The following SDK2 variants were observed in gnomAD, a reference collection of about 807,000 sequenced individuals.
SDK2 encodes the protein sidekick cell adhesion molecule 2.
Under a neutral mutation model 253.9 loss-of-function variants are expected in SDK2, and 105 were observed. The observed-to-expected ratio is 0.41, with a 90% CI of 0.35 to 0.49. SDK2 has a LOEUF of 0.49. SDK2 is among the 20% of genes least tolerant of loss of function. SDK2 has a pLI of 0.06. For missense variants in SDK2, 2,608 were observed against 3,003.0 expected (o/e 0.87, Z 3.07); for synonymous variants, 1,249 against 1,234.9 (o/e 1.01, Z -0.24).
intron 1 of SDK2, among the ~76,000 whole-genome samples, chr17:73,509,361 G>A (rs1480043170): frequency 1.3e-5 from 2 of 152,150 alleles, no homozygotes; most frequent in African/African-American, 4.8e-5. Flanking sequence ...AAAGTACGGT[G>A]TCCCCTCCAG....
rs778489152 is a variant in SDK2 at position 73,431,747 on chromosome 17, G to A, written c.1313-78C>T. On this transcript the variant is annotated intron_variant, in intron 10 of 44. Transcript: ENST00000392650. This position sits in a 1 kb window ranked among gnomAD's most constrained non-coding sequence, Gnocchi z 5.6. ...GCCCTTCCCTGGCCGCTCCAGGGCA[G>A]CATGGTCCCCCCACAGGCCCCTGGC... 53 of 1,405,840 alleles carry A rather than the reference G, an allele frequency of 3.8e-5. No homozygotes were observed. The South Asian group carries it at 5.9e-4, about 16-fold the overall frequency. 87.1% of individuals were successfully genotyped at this position (1,405,840 alleles called of 1,614,324 possible).
intron 36 of SDK2, chr17:73,369,224 G>C (rs954331498): frequency 2.1e-6 from 1 of 467,542 alleles, no homozygotes; most frequent in Non-Finnish European, 4.4e-6. Flanking sequence ...CCGTCCTACG[G>C]GAGGCTGAGC....
rs1018993290 is a variant in SDK2 at position 73,346,243 on chromosome 17, T to C, written c.6165+2356A>G. ...AAAAAAAAAGAAAAAGAAAACATGA[T>C]TTGCTCTGTGTATCTCCTTTTTAAA... On this transcript the variant is annotated intron_variant, in intron 44 of 44. Coordinates refer to ENST00000392650, the MANE Select transcript of SDK2 (RefSeq NM_001144952.2). Among the ~76,000 whole-genome samples, 80 of 151,696 alleles carry C rather than the reference T, an allele frequency of 5.3e-4. 1 individual carries two copies. The highest frequency in any genetic ancestry group is 1.3e-4 in the Non-Finnish European group (9 of 67,926).
At position 73,399,273 on chromosome 17, in the gene SDK2, G is replaced by T. The variant is rs2063000235; in HGVS notation, c.2988C>A (p.Pro996=). 3.7e-6 allele frequency: 6 copies of T among 1,613,552 alleles called. No individual in the cohort carries two copies. The African/African-American group carries it at 4.0e-5, about 11-fold the overall frequency. The change falls in exon 22 of 45, where the codon CCC becomes CCA. Residue 996 remains proline, a synonymous_variant. Coordinates refer to ENST00000392650, the MANE Select transcript of SDK2 (RefSeq NM_001144952.2). ...SGVPPELPGP[P]TNLGISNIGP... ...CGATGTTGGAAATGCCCAGGTTGGT[G>T]GGGGGCCCTGGGAGTTCTGGAAAAG...
At chr17:73,427,525 C>T (rs185589500) in intron 12 of SDK2, among the ~76,000 whole-genome samples, 2 of 152,072 alleles carry the variant, frequency 1.3e-5, no homozygotes, top group African/African-American at 2.4e-5. Flanking sequence ...AGATTGCTGA[C>T]CTCTGTCTTC....
At chr17:73,575,645 T>C (rs1334411132) in intron 1 of SDK2, among the ~76,000 whole-genome samples, 10 of 152,242 alleles carry the variant, frequency 6.6e-5, no homozygotes, top group African/African-American at 2.4e-5. Context: ...CGAGTTAATA[T>C]GTGTAAAGCA....
chr17:73,388,342 C>T (rs2062891939), intron 29 of SDK2, among the ~76,000 whole-genome samples: 1 of 152,202 alleles, frequency 6.6e-6, no homozygotes, highest in Non-Finnish European at 1.5e-5. Flanking sequence ...AGCTCCTTTG[C>T]TCCTGCCTGA....
chr17:73,530,256 T>C (rs1177106889), intron 1 of SDK2, among the ~76,000 whole-genome samples: 1 of 152,192 alleles, frequency 6.6e-6, no homozygotes, highest in Non-Finnish European at 1.5e-5. Flanking sequence ...CAGTTCTGCA[T>C]GGCTGGGGAG....
At chr17:73,569,204 T>C (rs545572641) in intron 1 of SDK2, among the ~76,000 whole-genome samples, 26 of 150,478 alleles carry the variant, frequency 1.7e-4, no homozygotes, top group African/African-American at 5.6e-4. Context: ...CTTTTCTTTT[T>C]TTTTTTTTTT....
intron 1 of SDK2, among the ~76,000 whole-genome samples, chr17:73,557,542 G>A (rs2045162724): frequency 6.6e-6 from 1 of 152,110 alleles, no homozygotes; most frequent in African/African-American, 2.4e-5. Flanking sequence ...CCCTCAAGTG[G>A]TCTGCCTACC....
rs2045376997 is a variant in SDK2 at position 73,570,948 on chromosome 17, T to C, written c.65-63351A>G. On this transcript the variant is annotated intron_variant, in intron 1 of 44. Transcript: ENST00000392650. This position sits in a 1 kb window ranked among gnomAD's most constrained non-coding sequence, Gnocchi z 4.2. ...ACAGCCTGGGGTCAAGGGTGACTAT[T>C]GTGAGCCCTGGTCTGGTCCTGAGTG... 6.6e-6 allele frequency among the ~76,000 whole-genome samples: 1 copy of C among 152,110 alleles called. No homozygotes were observed. The highest frequency in any genetic ancestry group is 6.6e-5 in the Admixed American group (1 of 15,262).
At chr17:73,492,085 T>C (rs955707225) in intron 2 of SDK2, among the ~76,000 whole-genome samples, 2 of 152,028 alleles carry the variant, frequency 1.3e-5, no homozygotes, top group African/African-American at 2.4e-5. Flanking sequence ...AACACCATGG[T>C]GGCCCACCAT....
At chr17:73,348,500 C>A (rs2062504405) in intron 44 of SDK2, 99 bp downstream of exon 44, 1 of 1,402,366 alleles carries the variant, frequency 7.1e-7, no homozygotes, top group South Asian at 1.4e-5. Flanking sequence ...ATTTGCTGCC[C>A]CTTGAAGGAA....
Position 73,443,812 on chromosome 17 carries a change from A to ATT in SDK2, c.614-2890_614-2889insAA, listed in dbSNP as rs1321168163. Reference sequence around the variant, plus strand: ...CAGTCTTCTCAGGGGGGAAATGGGGATGAAAGTCACTACCTCTCAGGGTTG... The same window carrying ATT: ...CAGTCTTCTCAGGGGGGAAATGGGGATTTGAAAGTCACTACCTCTCAGGGTTG... On this transcript the variant is annotated intron_variant, in intron 5 of 44. Coordinates refer to ENST00000392650, the MANE Select transcript of SDK2 (RefSeq NM_001144952.2). This position sits in a 1 kb window ranked among gnomAD's most constrained non-coding sequence, Gnocchi z 4.6. 2.0e-5 allele frequency among the ~76,000 whole-genome samples: 3 copies of ATT among 152,080 alleles called. No individual in the cohort carries two copies. The highest frequency in any genetic ancestry group is 2.1e-4 in the South Asian group (1 of 4,822).
At chr17:73,470,438 C>T (rs1248321568) in intron 3 of SDK2, among the ~76,000 whole-genome samples, 1 of 152,222 alleles carries the variant, frequency 6.6e-6, no homozygotes, top group African/African-American at 2.4e-5. Flanking sequence ...CACACTCATG[C>T]ACACACACAT....
chr17:73,619,838 T>C (rs900351930), intron 1 of SDK2, among the ~76,000 whole-genome samples: 6 of 152,182 alleles, frequency 3.9e-5, no homozygotes, highest in African/African-American at 1.4e-4. Context: ...GACAAGGGTC[T>C]AGTATCCAGA....
At chr17:73,530,834 TAG>T (rs2064164153) in intron 1 of SDK2, among the ~76,000 whole-genome samples, 1 of 152,182 alleles carries the variant, frequency 6.6e-6, no homozygotes, top group South Asian at 2.1e-4. Flanking sequence ...GTGGCCCCAG[TAG>T]AGCATCTAGC....
intron 2 of SDK2, among the ~76,000 whole-genome samples, chr17:73,477,403 T>C (rs1302455485): frequency 6.9e-6 from 1 of 144,098 alleles, no homozygotes; most frequent in Non-Finnish European, 1.6e-5. Flanking sequence ...CAAGAGGAAG[T>C]GCAGTGTTGG....
intron 1 of SDK2, among the ~76,000 whole-genome samples, chr17:73,585,692 G>A (rs1193263449): frequency 2.0e-5 from 3 of 152,146 alleles, no homozygotes; most frequent in Non-Finnish European, 2.9e-5. Flanking sequence ...ACACCTTTGA[G>A]TCCAGGGGGA....
Sources: allele counts gnomAD v4.1 joint callset (sites outside exome capture counted in the v4.1 genomes callset), GRCh38; gene constraint gnomAD v4.1.1; non-coding constraint Gnocchi (gnomAD v3.1); transcripts MANE v1.5; gene names NCBI Gene and HGNC (gene_info 2026-07-23, HGNC 2026-07-21).